Variants in NDP observed in about 807,000 individuals in gnomAD.
NDP encodes the protein norrin.
In NDP, 2 loss-of-function variants were observed where a neutral mutation model predicts 8.4. The observed-to-expected ratio is 0.24, with a 90% CI of 0.10 to 0.75. The LOEUF (loss-of-function observed/expected upper bound fraction) is 0.75, where lower values mean the gene tolerates loss of function less well. Ranked by LOEUF, NDP falls within the 30% of genes least tolerant of loss-of-function variation. NDP has a pLI of 0.73. For synonymous variants in NDP, 55 were observed against 45.6 expected (o/e 1.21, Z -0.83); for missense variants, 81 against 110.1 (o/e 0.74, Z 1.18).
intron 2 of NDP, among the ~76,000 whole-genome samples, chrX:43,956,198 G>A (rs1210706310): frequency 8.9e-6 from 1 of 111,907 alleles, no homozygotes; most frequent in African/African-American, 3.2e-5. Flanking sequence ...TGTTCAAGCA[G>A]GTACACTCCC....
intron 2 of NDP, chrX:43,954,459 C>T (rs902399545): frequency 4.5e-5 from 5 of 111,458 alleles, no homozygotes; most frequent in African/African-American, 1.6e-4. Context: ...TCCCCATTTT[C>T]TTGTAAGCAT....
At chrX:43,963,691 G>A (rs904905740) in intron 1 of NDP, among the ~76,000 whole-genome samples, 3 of 112,179 alleles carry the variant, frequency 2.7e-5, no homozygotes, top group African/African-American at 9.7e-5. Flanking sequence ...AAAGTGTGAA[G>A]TGTTAAGTAG....
At chrX:43,967,282 GTGAAATCACAGCAATGCAA>G (rs1195279740) in intron 1 of NDP, among the ~76,000 whole-genome samples, 1 of 111,471 alleles carries the variant, frequency 9.0e-6, no homozygotes, top group Non-Finnish European at 1.9e-5. Flanking sequence ...GTGGGGGGCA[GTGAAATCACAGCAATGCAA>G]TGAGCCCTAA....
intron 1 of NDP, among the ~76,000 whole-genome samples, chrX:43,964,132 G>C (rs1382408): frequency 9.0e-6 from 1 of 111,605 alleles, no homozygotes; most frequent in Non-Finnish European, 1.9e-5. Context: ...TGCTACCTTA[G>C]GAGAAAAAAG....
chrX:43,957,814 A>G (rs1186158394), intron 2 of NDP, among the ~76,000 whole-genome samples: 1 of 101,492 alleles, frequency 9.9e-6, no homozygotes, highest in Admixed American at 1.1e-4. Flanking sequence ...CCACCCTACA[A>G]TGTGCCTCCC....
chrX:43,960,112 C>G (rs1362002956), intron 1 of NDP, among the ~76,000 whole-genome samples: 1 of 104,005 alleles, frequency 9.6e-6, no homozygotes, highest in Non-Finnish European at 2.0e-5. Context: ...AGGGCTGTTT[C>G]AGAGCACAGA....
chrX:43,949,548 G>A lies in NDP; in HGVS notation c.*251C>T, dbSNP rs1474932287. On this transcript the variant is annotated 3_prime_UTR_variant, in exon 3 of 3. Coordinates refer to ENST00000642620, the MANE Select transcript of NDP (RefSeq NM_000266.4). ...CCCAAACAGCATTGAGAGCCAAGGG[G>A]GAAAATGCCTGAATCTGAAAATGAA... The A allele has an allele frequency of 9.9e-6, 4 of 402,880 alleles. No homozygotes were observed. The highest frequency in any genetic ancestry group is 1.7e-5 in the Non-Finnish European group (4 of 229,998). The allele number at this position is 402,880 out of a possible 1,213,427, so 33.2% of individuals were successfully genotyped here. A position where few individuals can be genotyped will look rare whatever the true frequency, so the allele number is the denominator to read the frequency against.
Position 43,949,225 on chromosome X carries a change from G to T in NDP, c.*574C>A, listed in dbSNP as rs1461215482. The T allele has an allele frequency of 8.7e-6, 1 of 114,672 alleles. No individual in the cohort carries two copies. Among genetic ancestry groups the T allele is most frequent in the Non-Finnish European group, 1.8e-5 (1 of 54,783 alleles). 9.5% of individuals were successfully genotyped at this position (114,672 alleles called of 1,213,427 possible). On this transcript the variant is annotated 3_prime_UTR_variant, in exon 3 of 3. Coordinates refer to ENST00000642620, the MANE Select transcript of NDP (RefSeq NM_000266.4). The stretch of plus-strand genomic sequence containing the variant: ...TCAAGAGTTCCAGCATCACATAAAA[G>T]AATCTGTTTGTTAGTTATTTTAATG...
intron 1 of NDP, among the ~76,000 whole-genome samples, chrX:43,969,157 C>CAGAAAGAA (rs751138929): frequency 6.3e-5 from 7 of 111,491 alleles, no homozygotes; most frequent in African/African-American, 2.3e-4. Context: ...TCTTAAGAGA[C>CAGAAAGAA]AGAAAGAAAG....
chrX:43,972,917 G>A (rs1246771945), intron 1 of NDP, among the ~76,000 whole-genome samples: 1 of 112,762 alleles, frequency 8.9e-6, no homozygotes, highest in Non-Finnish European at 1.9e-5. Flanking sequence ...ATTGTAAGTG[G>A]GATGAGGGTG....
intron 1 of NDP, chrX:43,969,665 A>G (rs2035880063): frequency 8.9e-6 from 1 of 112,182 alleles, no homozygotes; most frequent in South Asian, 3.7e-4. Context: ...CCCCAGTCCT[A>G]TCAGCCCGGC....
At chrX:43,970,688 C>T (rs1364587314) in intron 1 of NDP, among the ~76,000 whole-genome samples, 1 of 111,296 alleles carries the variant, frequency 9.0e-6, no homozygotes, top group African/African-American at 3.3e-5. Flanking sequence ...TGTTTTGATA[C>T]TGGGGGTGGG....
At chrX:43,965,052 C>T (rs764596369) in intron 1 of NDP, among the ~76,000 whole-genome samples, 9 of 112,245 alleles carry the variant, frequency 8.0e-5, no homozygotes, top group Non-Finnish European at 1.5e-4. Context: ...TAAAAACAGC[C>T]GTTAATAACC....
intron 2 of NDP, among the ~76,000 whole-genome samples, chrX:43,952,317 C>G (rs1239559127): frequency 9.0e-6 from 1 of 111,629 alleles, no homozygotes; most frequent in Admixed American, 9.5e-5. Flanking sequence ...GATACCTCAC[C>G]TTGGAGTAGT....
chrX:43,963,504 A>T (rs34401146), intron 1 of NDP, among the ~76,000 whole-genome samples: 30,044 of 111,041 alleles, frequency 0.27, 3,261 homozygotes, highest in African/African-American at 0.35. Flanking sequence ...GTAATTTTTT[A>T]AAAAATTATG....
chrX:43,965,563 G>A (rs1179441495), intron 1 of NDP, among the ~76,000 whole-genome samples: 2 of 111,928 alleles, frequency 1.8e-5, no homozygotes, highest in African/African-American at 6.5e-5. Context: ...TAAACGGGGA[G>A]AGAAGAAAGG....
chrX:43,955,875 TATTATTTATTTTTTCTAGAAAC>T (rs959355832), intron 2 of NDP, among the ~76,000 whole-genome samples: 3 of 67,071 alleles, frequency 4.5e-5, no homozygotes, highest in African/African-American at 1.9e-4. Context: ...AGGCTTTCAC[TATTATTTATTTTTTCTAGAAAC>T]ATTGCTGAGT....
At chrX:43,970,526 T>C (rs189224667) in intron 1 of NDP, among the ~76,000 whole-genome samples, 140 of 110,752 alleles carry the variant, frequency 1.3e-3, no homozygotes, top group East Asian at 5.1e-3. Context: ...GTTTTTTTTT[T>C]CCCCCAGTAA....
intron 2 of NDP, among the ~76,000 whole-genome samples, chrX:43,957,858 T>C (rs898778270): frequency 9.5e-6 from 1 of 105,231 alleles, no homozygotes; most frequent in African/African-American, 3.5e-5. Context: ...CCACTCTTGG[T>C]GGCCTTTTAA....
Sources: allele counts gnomAD v4.1 joint callset (sites outside exome capture counted in the v4.1 genomes callset), GRCh38; gene constraint gnomAD v4.1.1; transcripts MANE v1.5; gene names NCBI Gene and HGNC (gene_info 2026-07-23, HGNC 2026-07-21).